The following DNAH7 variants were observed in gnomAD, a reference collection of about 807,000 sequenced individuals.
DNAH7 encodes dynein axonemal heavy chain 7.
DNAH7 carries 397 observed loss-of-function variants against 444.6 expected under a neutral mutation model. The ratio of observed to expected loss-of-function variants is 0.89; its 90% CI spans 0.82 to 0.97. The LOEUF (loss-of-function observed/expected upper bound fraction) is 0.97, where lower values mean the gene tolerates loss of function less well. DNAH7 is among the 50% of genes least tolerant of loss of function. DNAH7 has a pLI of 0.00. For synonymous variants in DNAH7, 1,636 were observed against 1,624.4 expected (o/e 1.01, Z -0.17); for missense variants, 4,902 against 4,800.8 (o/e 1.02, Z -0.62).
intron 38 of DNAH7, among the ~76,000 whole-genome samples, chr2:195,875,471 G>A (rs1700992970): frequency 6.6e-6 from 1 of 152,198 alleles, no homozygotes; most frequent in African/African-American, 2.4e-5. Context: ...AGTTTTGGAA[G>A]AGTTGGTGGG....
At chr2:195,758,497 A>G (rs1469733660) in intron 61 of DNAH7, among the ~76,000 whole-genome samples, 2 of 152,208 alleles carry the variant, frequency 1.3e-5, no homozygotes, top group South Asian at 2.1e-4. Context: ...AAGATGGCCA[A>G]TAGAAGCCTC....
chr2:195,799,979 T>G (rs1039180079), intron 54 of DNAH7, among the ~76,000 whole-genome samples: 1 of 152,208 alleles, frequency 6.6e-6, no homozygotes, highest in African/African-American at 2.4e-5. Flanking sequence ...CTGATAGCAT[T>G]GTCTGAGAAT....
chr2:195,792,501 T>C (rs563999278), intron 57 of DNAH7, among the ~76,000 whole-genome samples: 5 of 135,112 alleles, frequency 3.7e-5, no homozygotes, highest in Non-Finnish European at 6.4e-5. Flanking sequence ...AAAGAAAGAA[T>C]AGGAAAATGT....
At chr2:196,025,961 TC>T (rs1695662532) in intron 7 of DNAH7, among the ~76,000 whole-genome samples, 1 of 152,164 alleles carries the variant, frequency 6.6e-6, no homozygotes, top group Non-Finnish European at 1.5e-5. Flanking sequence ...AGGCCCTGAC[TC>T]CAGGGATTTT....
chr2:195,911,321 A>T (rs1421988415), intron 24 of DNAH7, among the ~76,000 whole-genome samples: 1 of 152,222 alleles, frequency 6.6e-6, no homozygotes, highest in African/African-American at 2.4e-5. Context: ...TATAATTTAA[A>T]AACTCAGTGA....
At chr2:195,850,346 G>A (rs1699286394) in intron 46 of DNAH7, among the ~76,000 whole-genome samples, 1 of 151,686 alleles carries the variant, frequency 6.6e-6, no homozygotes, top group African/African-American at 2.4e-5. Context: ...CATTAAGAGT[G>A]TCATCTTGGT....
intron 5 of DNAH7, among the ~76,000 whole-genome samples, chr2:196,036,960 C>T (rs1339368366): frequency 6.6e-6 from 1 of 152,098 alleles, no homozygotes; most frequent in Non-Finnish European, 1.5e-5. Context: ...CCCACACACC[C>T]CTCCTGGGAC....
At chr2:195,787,245 GA>G in intron 57 of DNAH7, 74 bp from the exon 58 acceptor site, 1 of 1,455,598 alleles carries the variant, frequency 6.9e-7, no homozygotes, top group Non-Finnish European at 9.2e-7. Context: ...ATTTTAAAAT[GA>G]AAGCAAATTT....
intron 19 of DNAH7, 28 bp downstream of exon 19, chr2:195,957,233 T>C (rs749511727): frequency 6.2e-6 from 9 of 1,441,892 alleles, no homozygotes; most frequent in Non-Finnish European, 7.4e-6. Flanking sequence ...AACCAAATAA[T>C]GACATTTTTG....
At chr2:195,742,079 C>T (rs1371612979) in intron 63 of DNAH7, among the ~76,000 whole-genome samples, 2 of 152,090 alleles carry the variant, frequency 1.3e-5, no homozygotes, top group African/African-American at 4.8e-5. Flanking sequence ...AAGCACTTGT[C>T]CAATAACTGC....
chr2:195,769,051 A>C (rs1694721746), intron 61 of DNAH7, among the ~76,000 whole-genome samples: 1 of 152,208 alleles, frequency 6.6e-6, no homozygotes, highest in South Asian at 2.1e-4. Flanking sequence ...CATTGGTCAC[A>C]GATATCATGT....
intron 9 of DNAH7, among the ~76,000 whole-genome samples, chr2:196,014,445 T>C (rs1467800239): frequency 1.3e-5 from 2 of 152,116 alleles, no homozygotes; most frequent in Non-Finnish European, 2.9e-5. Context: ...GAACTCTTCC[T>C]ATCCTTTATC....
intron 24 of DNAH7, among the ~76,000 whole-genome samples, chr2:195,910,672 T>A (rs1206498871): frequency 6.6e-6 from 1 of 152,160 alleles, no homozygotes; most frequent in African/African-American, 2.4e-5. Flanking sequence ...TATGCTCAGA[T>A]AGAAACAGAA....
At chr2:195,997,230 G>A in intron 12 of DNAH7, among the ~76,000 whole-genome samples, 1 of 151,960 alleles carries the variant, frequency 6.6e-6, no homozygotes, top group East Asian at 1.9e-4. Context: ...TATAATTTTG[G>A]GGCCACGCAT....
chr2:196,032,683 G>A (rs896091901), intron 5 of DNAH7, among the ~76,000 whole-genome samples: 12 of 152,138 alleles, frequency 7.9e-5, no homozygotes, highest in African/African-American at 2.9e-4. Flanking sequence ...TAATGAATTT[G>A]ATCAAACAAG....
intron 48 of DNAH7, among the ~76,000 whole-genome samples, chr2:195,832,578 G>A (rs1397764901): frequency 6.6e-6 from 1 of 151,820 alleles, no homozygotes; most frequent in East Asian, 1.9e-4. Context: ...GAGTAGCTGG[G>A]ACCACAGGCA....
chr2:195,984,867 T>A (rs1692804504), intron 14 of DNAH7, among the ~76,000 whole-genome samples, 157 bp from the exon 15 acceptor site: 1 of 152,240 alleles, frequency 6.6e-6, no homozygotes, highest in Admixed American at 6.5e-5. Flanking sequence ...TGCATACATT[T>A]ACTTATTCAG....
chr2:196,012,437 G>T (rs1351184495), intron 10 of DNAH7, among the ~76,000 whole-genome samples: 6 of 152,022 alleles, frequency 3.9e-5, no homozygotes, highest in Non-Finnish European at 7.4e-5. Context: ...AAAATGAAGG[G>T]AGGTACAGAG....
intron 58 of DNAH7, 104 bp from the exon 59 acceptor site, chr2:195,778,089 G>T: frequency 9.0e-7 from 1 of 1,105,270 alleles, no homozygotes; most frequent in Non-Finnish European, 1.2e-6. Flanking sequence ...CAAAAAGTTC[G>T]CATTAACACA....
Sources: gnomAD v4.1 joint callset for allele counts (sites outside exome capture counted in the v4.1 genomes callset) on GRCh38, gnomAD v4.1.1 for gene constraint, MANE v1.5 for transcripts, NCBI Gene and HGNC (gene_info 2026-07-23, HGNC 2026-07-21) for gene names.